Variants in DPF3 observed in about 807,000 individuals in gnomAD.
DPF3 encodes the protein zinc finger protein DPF3.
In DPF3, 18 loss-of-function variants were observed where a neutral mutation model predicts 56.8. That is an observed-to-expected ratio of 0.32 (90% CI 0.22 to 0.47). DPF3 has a LOEUF of 0.47. DPF3 is among the 20% of genes least tolerant of loss of function. The pLI is 1.00. For synonymous variants in DPF3, 188 were observed against 180.2 expected (o/e 1.04, Z -0.35); for missense variants, 403 against 488.8 (o/e 0.82, Z 1.65).
chr14:72,827,561 C>T (rs891137722), intron 1 of DPF3, among the ~76,000 whole-genome samples: 1 of 146,626 alleles, frequency 6.8e-6, no homozygotes, highest in East Asian at 2.0e-4. Context: ...CTGCAACCTC[C>T]GCCTCCCAAG....
At chr14:72,633,393 G>A (rs539463266) in intron 8 of DPF3, among the ~76,000 whole-genome samples, 2 of 152,152 alleles carry the variant, frequency 1.3e-5, no homozygotes, top group East Asian at 3.9e-4. Flanking sequence ...GAAAGGAAGA[G>A]GAGAGAAGAA....
chr14:72,836,027 C>G (rs11628597), intron 1 of DPF3: 582,212 of 984,652 alleles, frequency 0.59, 172,959 homozygotes, highest in East Asian at 0.87. Flanking sequence ...CGTCACCACA[C>G]GGGTGCCTCG....
Position 72,714,466 on chromosome 14 carries a change from G to A in DPF3, c.561C>T (p.Asp187=), listed in dbSNP as rs752541772. 51 of 1,613,848 alleles carry A rather than the reference G, an allele frequency of 3.2e-5. No homozygotes were observed. Among genetic ancestry groups the A allele is most frequent in the South Asian group, 7.7e-5 (7 of 91,082 alleles). ...RGSAGGRRRH[D]AASQEDHDKP... ...TGTCGTGGTCTTCCTGAGAGGCGGC[G>A]TCGTGCCTCCTCCTGCCCCCTGCAG... Residue 187 remains aspartate, a synonymous_variant, in exon 6 of 11, where the codon GAC becomes GAT. Coordinates refer to ENST00000556509, the MANE Select transcript of DPF3 (RefSeq NM_001280542.3).
intron 8 of DPF3, among the ~76,000 whole-genome samples, chr14:72,631,040 C>T (rs1312832840): frequency 6.6e-6 from 1 of 152,184 alleles, no homozygotes; most frequent in Non-Finnish European, 1.5e-5. Context: ...CACATCATGA[C>T]CATTTGGATG....
rs1884183678 is a variant in DPF3, at chr14:72,617,845, A to T, written c.*1452T>A. ...CCTTTGTTGTGAGCAGCCAGACCAC[A>T]GAGATGGAGCTGATTTCAGAGAAGC... On this transcript the variant is annotated 3_prime_UTR_variant, in exon 11 of 11. Coordinates refer to ENST00000556509, the MANE Select transcript of DPF3 (RefSeq NM_001280542.3). Among the ~76,000 whole-genome samples, 1 of 152,200 alleles carries T rather than the reference A, an allele frequency of 6.6e-6. No individual in the cohort carries two copies. The highest frequency in any genetic ancestry group is 6.5e-5 in the Admixed American group (1 of 15,278).
intron 1 of DPF3, among the ~76,000 whole-genome samples, chr14:72,780,703 G>C (rs1159687413): frequency 6.6e-6 from 1 of 152,176 alleles, no homozygotes; most frequent in Non-Finnish European, 1.5e-5. Flanking sequence ...CAGCTCCTGA[G>C]ATTTTCATTT....
intron 2 of DPF3, among the ~76,000 whole-genome samples, chr14:72,755,347 A>C (rs1435723783): frequency 1.3e-5 from 2 of 152,166 alleles, no homozygotes; most frequent in Non-Finnish European, 1.5e-5. Flanking sequence ...TTGGAGCTTT[A>C]GACCCATTCT....
chr14:72,747,451 A>G (rs1890370251), intron 3 of DPF3, among the ~76,000 whole-genome samples: 1 of 152,114 alleles, frequency 6.6e-6, no homozygotes, highest in Non-Finnish European at 1.5e-5. Flanking sequence ...AGCTGCTGGC[A>G]GCCCCCTCAC....
chr14:72,662,185 T>A (rs1886244705), intron 8 of DPF3: 1 of 985,282 alleles, frequency 1.0e-6, no homozygotes, highest in Non-Finnish European at 1.2e-6. Flanking sequence ...ACTTACCACA[T>A]CCAACTCGCA....
chr14:72,887,196 CAA>C (rs59838426), intron 1 of DPF3, among the ~76,000 whole-genome samples: 8 of 133,684 alleles, frequency 6.0e-5, no homozygotes, highest in Non-Finnish European at 1.2e-4. Context: ...CACACACACA[CAA>C]AAGGAAGCAA....
chr14:72,637,329 T>G (rs927665920), intron 8 of DPF3, among the ~76,000 whole-genome samples: 3 of 152,208 alleles, frequency 2.0e-5, no homozygotes, highest in Admixed American at 6.5e-5. Context: ...TGACCTGGAT[T>G]TATACAATTT....
At chr14:72,665,329 G>A (rs1159087296) in intron 8 of DPF3, among the ~76,000 whole-genome samples, 1 of 152,148 alleles carries the variant, frequency 6.6e-6, no homozygotes, top group African/African-American at 2.4e-5. Flanking sequence ...CACGCATACT[G>A]TTATTACTCA....
chr14:72,799,569 T>A (rs188807719), intron 1 of DPF3, among the ~76,000 whole-genome samples: 586 of 152,092 alleles, frequency 3.9e-3, no homozygotes, highest in Middle Eastern at 0.017. Flanking sequence ...GGTAAGAGGA[T>A]CGCTTGAGCC....
chr14:72,650,101 C>T (rs1357231169), intron 8 of DPF3, among the ~76,000 whole-genome samples: 1 of 152,178 alleles, frequency 6.6e-6, no homozygotes, highest in Non-Finnish European at 1.5e-5. Context: ...TTCCTCTCCA[C>T]AACCCTCCCG....
chr14:72,823,908 C>G (rs1269815593), intron 1 of DPF3, among the ~76,000 whole-genome samples: 4 of 152,114 alleles, frequency 2.6e-5, no homozygotes, highest in African/African-American at 9.7e-5. Context: ...TGCTTCCTTC[C>G]AGCTGTAGGG....
chr14:72,657,323 C>A (rs890490873), intron 8 of DPF3, among the ~76,000 whole-genome samples: 2 of 152,132 alleles, frequency 1.3e-5, no homozygotes, highest in African/African-American at 4.8e-5. Flanking sequence ...ACCCAAGTTG[C>A]TAGAGATGAA....
rs569499605 is a variant in DPF3, at chr14:72,808,580, A to G, written c.33-36687T>C. ...GAGTCTTCCAAATTAAAATTTTAAT[A>G]GTGTGTGAAAATAGTTCGCCATTTA... is the stretch of plus-strand genomic sequence containing the variant. On this transcript the variant is annotated intron_variant, in intron 1 of 10. Transcript: ENST00000556509. 9.8e-4 allele frequency among the ~76,000 whole-genome samples: 149 copies of G among 152,318 alleles called. 1 individual carries two copies. Among genetic ancestry groups the G allele is most frequent in the African/African-American group, 3.4e-3 (141 of 41,584 alleles).
At chr14:72,749,009 AC>A in intron 3 of DPF3, among the ~76,000 whole-genome samples, 1 of 152,334 alleles carries the variant, frequency 6.6e-6, no homozygotes, top group East Asian at 1.9e-4. Flanking sequence ...CTGGGGCACC[AC>A]CTAGCGGAGC....
chr14:72,721,365 C>G (rs1216447033), intron 5 of DPF3, among the ~76,000 whole-genome samples: 1 of 152,176 alleles, frequency 6.6e-6, no homozygotes, highest in Non-Finnish European at 1.5e-5. Context: ...CCCACACTTG[C>G]ATCAGTTTGG....
Sources: gnomAD v4.1 joint callset for allele counts (sites outside exome capture counted in the v4.1 genomes callset) on GRCh38, gnomAD v4.1.1 for gene constraint, MANE v1.5 for transcripts, NCBI Gene and HGNC (gene_info 2026-07-23, HGNC 2026-07-21) for gene names.